Variants in ARHGEF39 observed in about 807,000 individuals in gnomAD.
ARHGEF39 encodes the protein Rho guanine nucleotide exchange factor (GEF) 39.
In ARHGEF39, 45 loss-of-function variants were observed where a neutral mutation model predicts 47.5. That is an observed-to-expected ratio of 0.95 (90% CI 0.75 to 1.22). The LOEUF (loss-of-function observed/expected upper bound fraction) is 1.22. ARHGEF39 is among the 50% of genes most tolerant of loss of function. The pLI is 0.00. For synonymous variants in ARHGEF39, 164 were observed against 167.8 expected (o/e 0.98, Z 0.17); for missense variants, 411 against 425.3 (o/e 0.97, Z 0.30).
At chr9:35,662,039 GA>G in intron 8 of ARHGEF39, 37 bp from the exon 9 acceptor site, 1 of 1,613,184 alleles carries the variant, frequency 6.2e-7, no homozygotes, top group Non-Finnish European at 8.5e-7. Flanking sequence ...GCACTGGTAT[GA>G]GTGCTTTATT....
intron 1 of ARHGEF39, 27 bp from the exon 2 acceptor site, chr9:35,664,877 T>C: frequency 6.2e-7 from 1 of 1,601,348 alleles, no homozygotes; most frequent in South Asian, 1.1e-5. Flanking sequence ...CATTGGTTCT[T>C]AGCCTAGAGG....
At position 35,664,541 on chromosome 9, in the gene ARHGEF39, C is replaced by G. The variant is rs769424007; in HGVS notation, c.234-49G>C. On this transcript the variant is annotated intron_variant, in intron 2 of 8. Coordinates refer to ENST00000378387, the MANE Select transcript of ARHGEF39 (RefSeq NM_032818.3). ...GGGCAGCTCTAGAACCACTCAAGCA[C>G]CACCTCATTTAGTTTTCATGAGAAT... 7.7e-6 allele frequency: 12 copies of G among 1,548,488 alleles called. No homozygotes were observed. In the African/African-American group the frequency reaches 1.7e-4, roughly 21 times the overall value.
chr9:35,661,135 G>C lies in ARHGEF39; in HGVS notation c.*852C>G, dbSNP rs766603469. 1.9e-6 allele frequency: 3 copies of C among 1,612,044 alleles called. No homozygotes were observed. Among genetic ancestry groups the C allele is most frequent in the Admixed American group, 1.7e-5 (1 of 59,902 alleles). ...AAGGGCCCCAGTCACAGCCTTGGCT[G>C]GGAAGGAGGGACGACAGCTGAAGGT... is the stretch of plus-strand genomic sequence containing the variant. On this transcript the variant is annotated 3_prime_UTR_variant, in exon 9 of 9. Transcript: ENST00000378387.
intron 5 of ARHGEF39, 83 bp from the exon 6 acceptor site, chr9:35,663,157 A>AC: frequency 2.5e-6 from 4 of 1,603,850 alleles, no homozygotes; most frequent in Middle Eastern, 1.7e-4. Flanking sequence ...TCTGGAAGGG[A>AC]CCAGGGTCAG....
chr9:35,662,369 T>G, intron 7 of ARHGEF39, 102 bp from the exon 8 acceptor site: 2 of 1,401,594 alleles, frequency 1.4e-6, no homozygotes, highest in South Asian at 1.2e-5. Flanking sequence ...AGACAATGAC[T>G]AGGTATGAAG....
In ARHGEF39 at chr9:35,661,332, G is replaced by T; in HGVS notation, c.*655C>A. 1 of 595,644 alleles carries T rather than the reference G, an allele frequency of 1.7e-6. No individual in the cohort carries two copies. The allele number at this position is 595,644 out of a possible 1,614,324, so 36.9% of individuals were successfully genotyped here. On this transcript the variant is annotated 3_prime_UTR_variant, in exon 9 of 9. Transcript: ENST00000378387. ...CCAGTGTGACAGCAGAGAAGATAGA[G>T]GGAGCTCCAGCTCTTTTCCTCGTAT...
In ARHGEF39 at chr9:35,659,709, G is replaced by C. The variant is rs955372342; in HGVS notation, c.*2278C>G. The C allele has an allele frequency of 1.3e-5, 2 of 152,212 alleles. No individual in the cohort carries two copies. Among genetic ancestry groups the C allele is most frequent in the African/African-American group, 4.8e-5 (2 of 41,450 alleles). The allele number at this position is 152,212 out of a possible 1,614,324, so 9.4% of individuals were successfully genotyped here. ...AAAAAACTCAGGAAAGTGGGTGAGGGTGTGACCATTGCCTTCAAATTCCTG... is the reference window on the plus strand; with the variant it reads ...AAAAAACTCAGGAAAGTGGGTGAGGCTGTGACCATTGCCTTCAAATTCCTG... On this transcript the variant is annotated 3_prime_UTR_variant, in exon 9 of 9. Transcript: ENST00000378387.
chr9:35,663,899 C>T, intron 4 of ARHGEF39, 109 bp downstream of exon 4: 1 of 1,190,746 alleles, frequency 8.4e-7, no homozygotes, highest in Non-Finnish European at 1.2e-6. Context: ...CAATTTGGCT[C>T]AGGGTCGAGG....
In ARHGEF39 at chr9:35,661,873, GAC is replaced by G; in HGVS notation, c.*112_*113del. 7.7e-7 allele frequency: 1 copy of G among 1,302,592 alleles called. No homozygotes were observed. The highest frequency in any genetic ancestry group is 2.3e-5 in the East Asian group (1 of 42,918). The allele number at this position is 1,302,592 out of a possible 1,614,324, so 80.7% of individuals were successfully genotyped here. ...AGCTTGGTCCAGGCAAACAGAAAGT[GAC>G]CTTTGTCAAATCATGAAGGGTTCTG... On this transcript the variant is annotated 3_prime_UTR_variant, in exon 9 of 9. Transcript: ENST00000378387.
At chr9:35,664,977 C>G in intron 1 of ARHGEF39, 55 bp downstream of exon 1, 1 of 1,509,610 alleles carries the variant, frequency 6.6e-7, no homozygotes. Flanking sequence ...CGCAGAGACC[C>G]TCCCACACCC....
chr9:35,660,962 G>A lies in ARHGEF39; in HGVS notation c.*1025C>T. On this transcript the variant is annotated 3_prime_UTR_variant, in exon 9 of 9. Transcript: ENST00000378387. The stretch of plus-strand genomic sequence containing the variant: ...CAGAGGCCAGCAGACCTCTTCCTGA[G>A]GACTTCTGTTTAAAGGAGGACGAGG... The A allele has an allele frequency of 6.2e-7, 1 of 1,614,186 alleles. No homozygotes were observed.
chr9:35,664,145 G>T lies in ARHGEF39; in HGVS notation c.355-19C>A. The stretch of plus-strand genomic sequence containing the variant: ...GCTGCTCCTGGAGTGAGGGAGAAAG[G>T]ATTGGAAGCAGGGAGAGAAGCCACT... On this transcript the variant is annotated intron_variant, in intron 3 of 8. Coordinates refer to ENST00000378387, the MANE Select transcript of ARHGEF39 (RefSeq NM_032818.3). 1 of 1,609,130 alleles carries T rather than the reference G, an allele frequency of 6.2e-7. No homozygotes were observed. The highest frequency in any genetic ancestry group is 8.5e-7 in the Non-Finnish European group (1 of 1,175,488).
At chr9:35,664,976 C>A (rs538998041) in intron 1 of ARHGEF39, 56 bp downstream of exon 1, 327 of 1,505,016 alleles carry the variant, frequency 2.2e-4, no homozygotes, top group Non-Finnish European at 2.8e-4. Context: ...TCGCAGAGAC[C>A]CTCCCACACC....
At position 35,659,650 on chromosome 9, in the gene ARHGEF39, G is replaced by A. The variant is rs1379313777; in HGVS notation, c.*2337C>T. Reference sequence around the variant, plus strand: ...AACCAGAGAAAACCACCGTCAATGAGCACTGACTGTAAAGACTGACGTTAA... The same window carrying A: ...AACCAGAGAAAACCACCGTCAATGAACACTGACTGTAAAGACTGACGTTAA... On this transcript the variant is annotated 3_prime_UTR_variant, in exon 9 of 9. Transcript: ENST00000378387. 1 of 152,170 alleles carries A rather than the reference G, an allele frequency of 6.6e-6. No individual in the cohort carries two copies. The highest frequency in any genetic ancestry group is 1.5e-5 in the Non-Finnish European group (1 of 68,040). 9.4% of individuals were successfully genotyped at this position (152,170 alleles called of 1,614,324 possible).
intron 3 of ARHGEF39, 85 bp from the exon 4 acceptor site, chr9:35,664,211 A>T (rs1395147049): frequency 2.6e-6 from 4 of 1,535,694 alleles, no homozygotes; most frequent in African/African-American, 1.4e-5. Context: ...CCCAGCCTTC[A>T]GTAAGCTGTG....
Position 35,664,429 on chromosome 9 carries a change from G to C in ARHGEF39, c.297C>G (p.His99Gln). Residue 99 changes from histidine to glutamine, a missense_variant, in exon 3 of 9, where the codon CAC (histidine) becomes CAG (glutamine). His to Gln is a conservative substitution (Grantham distance 24). Coordinates refer to ENST00000378387, the MANE Select transcript of ARHGEF39 (RefSeq NM_032818.3). ...WGQGLEGFCR[H>Q]LELYNQFAAN... ...CAGCAAATTGGTTATAGAGCTCCAA[G>C]TGGCGGCAGAAGCCCTCCAGCCCTT... 1.2e-6 allele frequency: 2 copies of C among 1,611,228 alleles called. No individual in the cohort carries two copies. Among genetic ancestry groups the C allele is most frequent in the Non-Finnish European group, 1.7e-6 (2 of 1,177,970 alleles).
chr9:35,661,741 T>G lies in ARHGEF39; in HGVS notation c.*246A>C. On this transcript the variant is annotated 3_prime_UTR_variant, in exon 9 of 9. Coordinates refer to ENST00000378387, the MANE Select transcript of ARHGEF39 (RefSeq NM_032818.3). ...GTTGCCCAGGCTGGTCTTGAACTCC[T>G]GGGCTGGAATGATCCTGCCACCTCT... 2.1e-6 allele frequency: 1 copy of G among 478,102 alleles called. No individual in the cohort carries two copies. The allele number at this position is 478,102 out of a possible 1,614,324, so 29.6% of individuals were successfully genotyped here.
rs1419076916 is a variant in ARHGEF39 at position 35,660,228 on chromosome 9, C to T, written c.*1759G>A. On this transcript the variant is annotated 3_prime_UTR_variant, in exon 9 of 9. Coordinates refer to ENST00000378387, the MANE Select transcript of ARHGEF39 (RefSeq NM_032818.3). Reference sequence around the variant, plus strand: ...TGACCATGTGTGGGACATAGGACGTCGCTTCATATGCTGGGTGAGGAGCTA... The same window carrying T: ...TGACCATGTGTGGGACATAGGACGTTGCTTCATATGCTGGGTGAGGAGCTA... 8 of 585,212 alleles carry T rather than the reference C, an allele frequency of 1.4e-5. No individual in the cohort carries two copies. The highest frequency in any genetic ancestry group is 2.9e-5 in the East Asian group (1 of 34,200). 36.3% of individuals were successfully genotyped at this position (585,212 alleles called of 1,614,324 possible). A position where few individuals can be genotyped will look rare whatever the true frequency, so the allele number is the denominator to read the frequency against.
In ARHGEF39 at chr9:35,662,746, G is replaced by C. The variant is rs1233129858; in HGVS notation, c.674-5C>G. The C allele has an allele frequency of 1.3e-6, 2 of 1,554,288 alleles. No homozygotes were observed. Among genetic ancestry groups the C allele is most frequent in the South Asian group, 1.2e-5 (1 of 85,078 alleles). On this transcript the variant is annotated splice_region_variant and splice_polypyrimidine_tract_variant and intron_variant, in intron 6 of 8. Coordinates refer to ENST00000378387, the MANE Select transcript of ARHGEF39 (RefSeq NM_032818.3). Reference sequence around the variant, plus strand: ...CCTGGCGTAGGAACCAGCGCCCTGGGGGATGGGAGCGCTGTTATTCTGGTG... The same window carrying C: ...CCTGGCGTAGGAACCAGCGCCCTGGCGGATGGGAGCGCTGTTATTCTGGTG...
Sources: gnomAD v4.1 joint callset for allele counts on GRCh38, gnomAD v4.1.1 for gene constraint, MANE v1.5 for transcripts, NCBI Gene and HGNC (gene_info 2026-07-23, HGNC 2026-07-21) for gene names.